PHACTR2: variants seen among roughly 807,000 people sequenced by gnomAD.
The protein encoded by PHACTR2 is phosphatase and actin regulator 2, also known as chromosome 6 open reading frame 56.
PHACTR2 carries 30 observed loss-of-function variants against 76.0 expected under a neutral mutation model. That is an observed-to-expected ratio of 0.39 (90% CI 0.30 to 0.54). The LOEUF is 0.54. Among genes scored for constraint, PHACTR2 ranks in the 20% least tolerant of loss-of-function variants. The probability of loss-of-function intolerance (pLI) is 0.61; values close to 1 mark genes in which losing one functional copy is unlikely to be tolerated. For missense variants in PHACTR2, 696 were observed against 781.1 expected, an observed-to-expected ratio of 0.89 and a Z score of 1.30; for synonymous variants, 292 against 292.5, an observed-to-expected ratio of 1.00 and a Z score of 0.02.
chr6:143,651,983 C>G (rs1166964313), intron 1 of PHACTR2, among the ~76,000 whole-genome samples: 1 of 151,504 alleles, frequency 6.6e-6, no homozygotes, highest in Non-Finnish European at 1.5e-5. Context: ...AGAAGAAAGG[C>G]CTCAGAAGAA....
At position 143,639,467 on chromosome 6, in the gene PHACTR2, C is replaced by T. The variant is rs894922616; in HGVS notation, c.13+31145C>T. Among the ~76,000 whole-genome samples, 6 of 152,150 alleles carry T rather than the reference C, an allele frequency of 3.9e-5. No individual in the cohort carries two copies. The highest frequency in any genetic ancestry group is 7.4e-5 in the Non-Finnish European group (5 of 68,024). On this transcript the variant is annotated intron_variant, in intron 1 of 11. Coordinates refer to the PHACTR2 transcript ENST00000305766. The surrounding 1 kb of genome is among the most constrained non-coding windows in gnomAD (Gnocchi z 5.0). ...CAAAATAATTCTTATTTTTAATTCA[C>T]ACTTTTGTTTTCTGCTTATGTAGAT...
At chr6:143,810,686 G>GC (rs1401312868) in intron 12 of PHACTR2, 1 of 339,138 alleles carries the variant, frequency 2.9e-6, no homozygotes, top group East Asian at 8.9e-5. Context: ...TTAAAAATTA[G>GC]CTTAGCATGG....
rs1777879205 is a variant in PHACTR2, at chr6:143,700,316, AG to A, written c.47-11698del. On this transcript the variant is annotated intron_variant, in intron 1 of 12. Coordinates refer to ENST00000440869, the MANE Select transcript of PHACTR2 (RefSeq NM_001100164.2). The surrounding 1 kb of genome is among the most constrained non-coding windows in gnomAD (Gnocchi z 4.1). Reference sequence around the variant, plus strand: ...ATGCCTGTAAACCAAACACTTTGGGAGGCTGAGGTGGGCGGATCACTTGAGC... The same window carrying A: ...ATGCCTGTAAACCAAACACTTTGGGAGCTGAGGTGGGCGGATCACTTGAGC... Among the ~76,000 whole-genome samples, 1 of 152,164 alleles carries A rather than the reference AG, an allele frequency of 6.6e-6. No individual in the cohort carries two copies. Among genetic ancestry groups the A allele is most frequent in the Non-Finnish European group, 1.5e-5 (1 of 68,032 alleles).
chr6:143,545,973 C>T (rs145823195), intron 1 of PHACTR2, among the ~76,000 whole-genome samples: 31 of 152,280 alleles, frequency 2.0e-4, no homozygotes, highest in African/African-American at 7.0e-4. Flanking sequence ...GTGATCATTA[C>T]TTAGGTGGAT....
In PHACTR2 at chr6:143,708,714, A is replaced by T. The variant is rs1352550109; in HGVS notation, c.47-3302A>T. 6.6e-6 allele frequency among the ~76,000 whole-genome samples: 1 copy of T among 152,252 alleles called. No homozygotes were observed. Among genetic ancestry groups the T allele is most frequent in the African/African-American group, 2.4e-5 (1 of 41,472 alleles). The stretch of plus-strand genomic sequence containing the variant: ...AAAAGCAGATGACAGTGGTCCTCAC[A>T]TTCATGATTTAAGAGAAGTACAATG... On this transcript the variant is annotated intron_variant, in intron 1 of 12. Coordinates refer to ENST00000440869, the MANE Select transcript of PHACTR2 (RefSeq NM_001100164.2). The surrounding 1 kb of genome is among the most constrained non-coding windows in gnomAD (Gnocchi z 5.5).
In PHACTR2 at chr6:143,777,076, G is replaced by T. The variant is rs959297016; in HGVS notation, c.1590-252G>T. ...GCTTCTAGGGAGGCAGAAGTCTGTAGTCAGGTACCTAGCTAACATCCAGGC... is the reference window on the plus strand; with the variant it reads ...GCTTCTAGGGAGGCAGAAGTCTGTATTCAGGTACCTAGCTAACATCCAGGC... On this transcript the variant is annotated intron_variant, in intron 8 of 12. Transcript: ENST00000440869. This position sits in a 1 kb window ranked among gnomAD's most constrained non-coding sequence, Gnocchi z 4.6. Among the ~76,000 whole-genome samples, 7 of 152,088 alleles carry T rather than the reference G, an allele frequency of 4.6e-5. No homozygotes were observed. The highest frequency in any genetic ancestry group is 1.7e-4 in the African/African-American group (7 of 41,412).
chr6:143,635,312 T>C (rs1049583675), intron 1 of PHACTR2, among the ~76,000 whole-genome samples: 10 of 99,328 alleles, frequency 1.0e-4, no homozygotes, highest in Non-Finnish European at 1.6e-4. Context: ...ACGGAGCATT[T>C]AGGATGTGTG....
Position 143,793,152 on chromosome 6 carries a change from C to T in PHACTR2, c.1845+4242C>T, listed in dbSNP as rs376776146. Among the ~76,000 whole-genome samples, 1 of 152,332 alleles carries T rather than the reference C, an allele frequency of 6.6e-6. No homozygotes were observed. ...ATGCAAGCAGGGAGAGTCTAAATGA[C>T]TAACCACCCTCATGTGGAAACTAAA... On this transcript the variant is annotated intron_variant, in intron 11 of 12. Transcript: ENST00000440869. This position sits in a 1 kb window ranked among gnomAD's most constrained non-coding sequence, Gnocchi z 4.4.
rs1336896972 is a variant in PHACTR2, at chr6:143,641,769, G to A, written c.13+33447G>A. On this transcript the variant is annotated intron_variant, in intron 1 of 11. Coordinates refer to the PHACTR2 transcript ENST00000305766. This position sits in a 1 kb window ranked among gnomAD's most constrained non-coding sequence, Gnocchi z 5.8. ...GATCCACTGGCCTCAGCCTCCGAAA[G>A]TGCTGGGATTACAGGTATGAGCCAC... is the stretch of plus-strand genomic sequence containing the variant. Among the ~76,000 whole-genome samples the A allele has an allele frequency of 1.3e-5, 2 of 152,098 alleles. No homozygotes were observed. Among genetic ancestry groups the A allele is most frequent in the African/African-American group, 4.8e-5 (2 of 41,400 alleles).
In PHACTR2 at chr6:143,765,148, C is replaced by T. The variant is rs1779526741; in HGVS notation, c.695-113C>T. 1 of 833,992 alleles carries T rather than the reference C, an allele frequency of 1.2e-6. No individual in the cohort carries two copies. The highest frequency in any genetic ancestry group is 1.9e-6 in the Non-Finnish European group (1 of 531,224). 51.7% of individuals were successfully genotyped at this position (833,992 alleles called of 1,614,324 possible). On this transcript the variant is annotated intron_variant, in intron 5 of 12. Coordinates refer to ENST00000440869, the MANE Select transcript of PHACTR2 (RefSeq NM_001100164.2). This position sits in a 1 kb window ranked among gnomAD's most constrained non-coding sequence, Gnocchi z 4.1. ...GCCTATTTTCTCTTATACATTTATTCAACAAACTTTAAAGGGAACATTTTA... is the reference window on the plus strand; with the variant it reads ...GCCTATTTTCTCTTATACATTTATTTAACAAACTTTAAAGGGAACATTTTA...
chr6:143,798,630 T>A (rs1431896688), intron 11 of PHACTR2, among the ~76,000 whole-genome samples: 1 of 152,254 alleles, frequency 6.6e-6, no homozygotes, highest in Non-Finnish European at 1.5e-5. Flanking sequence ...CTTTTCTGCA[T>A]CTATTGAGAT....
chr6:143,754,233 A>G lies in PHACTR2; in HGVS notation c.454+321A>G. On this transcript the variant is annotated intron_variant, in intron 4 of 12. Coordinates refer to ENST00000440869, the MANE Select transcript of PHACTR2 (RefSeq NM_001100164.2). This position sits in a 1 kb window ranked among gnomAD's most constrained non-coding sequence, Gnocchi z 6.2. ...TTCTTAGGAGCTTTGTCTCAGGATCATAATGAAAGTGAGAAATCTGAACAT... is the reference window on the plus strand; with the variant it reads ...TTCTTAGGAGCTTTGTCTCAGGATCGTAATGAAAGTGAGAAATCTGAACAT... The G allele has an allele frequency of 5.7e-6, 1 of 174,152 alleles. No individual in the cohort carries two copies. Among genetic ancestry groups the G allele is most frequent in the South Asian group, 1.5e-4 (1 of 6,740 alleles). The allele number at this position is 174,152 out of a possible 1,614,324, so 10.8% of individuals were successfully genotyped here. A position where few individuals can be genotyped will look rare whatever the true frequency, so the allele number is the denominator to read the frequency against.
intron 1 of PHACTR2, among the ~76,000 whole-genome samples, chr6:143,649,708 A>T (rs189520919): frequency 6.6e-6 from 1 of 152,280 alleles, no homozygotes; most frequent in African/African-American, 2.4e-5. Flanking sequence ...AATAATAAGC[A>T]CCATATATGA....
rs1169920714 is a variant in PHACTR2 at position 143,556,772 on chromosome 6, T to C, written c.217+19565T>C. ...ACGCATCACCATGGAATTTTCAGAC[T>C]CAACGCACTGGCCACACCATGGGGT... On this transcript the variant is annotated intron_variant, in intron 1 of 11. Transcript: ENST00000367584. This position sits in a 1 kb window ranked among gnomAD's most constrained non-coding sequence, Gnocchi z 4.3. Among the ~76,000 whole-genome samples, 1 of 152,174 alleles carries C rather than the reference T, an allele frequency of 6.6e-6. No homozygotes were observed. Among genetic ancestry groups the C allele is most frequent in the Non-Finnish European group, 1.5e-5 (1 of 68,036 alleles).
intron 1 of PHACTR2, among the ~76,000 whole-genome samples, chr6:143,565,832 C>T (rs9376760): frequency 0.57 from 86,959 of 151,486 alleles, 25,705 homozygotes; most frequent in Middle Eastern, 0.72. Context: ...GGAGTGAGGG[C>T]AGGGTCTTGC....
Position 143,767,380 on chromosome 6 carries a change from T to A in PHACTR2, c.1232+1582T>A, listed in dbSNP as rs73778687. ...TTCTGTTAGTTTCTTTGGGTTTTTT[T>A]AAGTCATTTTGAGCACCAATATTTG... On this transcript the variant is annotated intron_variant, in intron 6 of 12. Transcript: ENST00000440869. This position sits in a 1 kb window ranked among gnomAD's most constrained non-coding sequence, Gnocchi z 4.4. Among the ~76,000 whole-genome samples the A allele has an allele frequency of 0.011, 1,629 of 152,328 alleles. 27 individuals are homozygous for A. Among genetic ancestry groups the A allele is most frequent in the African/African-American group, 0.036 (1,487 of 41,572 alleles).
intron 1 of PHACTR2, among the ~76,000 whole-genome samples, chr6:143,706,201 A>G (rs1415243126): frequency 6.6e-6 from 1 of 152,114 alleles, no homozygotes; most frequent in Non-Finnish European, 1.5e-5. Flanking sequence ...TGCAGGGCTC[A>G]TCTGGTGTTT....
chr6:143,770,884 T>C (rs1775083229), intron 6 of PHACTR2, among the ~76,000 whole-genome samples: 1 of 150,646 alleles, frequency 6.6e-6, no homozygotes, highest in African/African-American at 2.4e-5. Flanking sequence ...TAATAGAAAA[T>C]TATTGCTTCC....
chr6:143,655,889 G>T (rs1452689975), intron 1 of PHACTR2, among the ~76,000 whole-genome samples: 1 of 152,200 alleles, frequency 6.6e-6, no homozygotes, highest in Non-Finnish European at 1.5e-5. Context: ...CACTAAAGTT[G>T]CTTCCTACGA....
Sources: gnomAD v4.1 joint callset for allele counts (sites outside exome capture counted in the v4.1 genomes callset) on GRCh38, gnomAD v4.1.1 for gene constraint, Gnocchi (gnomAD v3.1) non-coding constraint, MANE v1.5 for transcripts, NCBI Gene and HGNC (gene_info 2026-07-23, HGNC 2026-07-21) for gene names.